Variants in FAM227B observed in about 807,000 individuals in gnomAD.
FAM227B encodes the protein protein FAM227B.
A neutral mutation model predicts 73.8 loss-of-function variants in FAM227B; 88 were observed. That is an observed-to-expected ratio of 1.19 (90% CI 1.00 to 1.42). The LOEUF is 1.42. Ranked by LOEUF, FAM227B falls within the 40% of genes most tolerant of loss-of-function variation. The pLI is 0.00. For missense variants in FAM227B, 632 were observed against 590.9 expected (o/e 1.07, Z -0.72); for synonymous variants, 210 against 190.5 (o/e 1.10, Z -0.84).
chr15:49,608,265 G>A (rs2077652653), intron 3 of FAM227B, among the ~76,000 whole-genome samples: 1 of 152,154 alleles, frequency 6.6e-6, no homozygotes, highest in Non-Finnish European at 1.5e-5. Context: ...GGTCAGTGAA[G>A]CAAGAATTGG....
Position 49,588,095 on chromosome 15 carries a change from T to C in FAM227B, c.338-12A>G, listed in dbSNP as rs1276890261. On this transcript the variant is annotated splice_polypyrimidine_tract_variant and intron_variant, in intron 4 of 15. Transcript: ENST00000299338. ...TTTTCTATAAGAACCTTTAAGAAAA[T>C]AAGAATTCACAGTATATATATTATA... is the stretch of plus-strand genomic sequence containing the variant. 2.9e-6 allele frequency: 4 copies of C among 1,390,826 alleles called. No homozygotes were observed. The highest frequency in any genetic ancestry group is 3.8e-6 in the Non-Finnish European group (4 of 1,039,104). The allele number at this position is 1,390,826 out of a possible 1,614,324, so 86.2% of individuals were successfully genotyped here.
At chr15:49,385,537 G>A (rs546113873) in intron 11 of FAM227B, among the ~76,000 whole-genome samples, 6 of 149,920 alleles carry the variant, frequency 4.0e-5, no homozygotes, top group Non-Finnish European at 8.9e-5. Context: ...AGCCCAATAC[G>A]CACCAAAATA....
chr15:49,584,262 AT>A (rs2076004326), intron 5 of FAM227B, among the ~76,000 whole-genome samples: 1 of 152,336 alleles, frequency 6.6e-6, no homozygotes, highest in East Asian at 1.9e-4. Context: ...AAATAAAAAA[AT>A]GACATGATTA....
chr15:49,413,313 ATT>A (rs1425449870), intron 11 of FAM227B, among the ~76,000 whole-genome samples: 4 of 151,830 alleles, frequency 2.6e-5, no homozygotes, highest in African/African-American at 9.7e-5. Flanking sequence ...CTTCTCTCTC[ATT>A]CTCTCTCTTT....
At chr15:49,377,789 T>G (rs9920772) in intron 11 of FAM227B, among the ~76,000 whole-genome samples, 42,720 of 152,042 alleles carry the variant, frequency 0.28, 6,483 homozygotes, top group East Asian at 0.44. Context: ...TTTGCAAATA[T>G]TTTCTGCCAT....
intron 11 of FAM227B, among the ~76,000 whole-genome samples, chr15:49,467,055 C>G (rs1597382479): frequency 6.6e-6 from 1 of 152,000 alleles, no homozygotes; most frequent in Non-Finnish European, 1.5e-5. Context: ...GCCTGGGTAG[C>G]AGAACATTTA....
intron 11 of FAM227B, among the ~76,000 whole-genome samples, chr15:49,501,631 C>T (rs1331096210): frequency 6.6e-6 from 1 of 152,204 alleles, no homozygotes; most frequent in Non-Finnish European, 1.5e-5. Flanking sequence ...AATTGGCAGC[C>T]TAGCCATGTG....
chr15:49,446,721 T>C (rs1374632498), intron 11 of FAM227B, among the ~76,000 whole-genome samples: 1 of 151,574 alleles, frequency 6.6e-6, no homozygotes, highest in Non-Finnish European at 1.5e-5. Flanking sequence ...AACACAGACC[T>C]AGTGAACAGA....
At chr15:49,377,650 C>T (rs111441602) in intron 11 of FAM227B, among the ~76,000 whole-genome samples, 164 of 152,118 alleles carry the variant, frequency 1.1e-3, no homozygotes, top group African/African-American at 3.6e-3. Context: ...GCCATTTGTA[C>T]GTCTTCTTTT....
At chr15:49,503,032 A>T (rs2058272118) in intron 11 of FAM227B, among the ~76,000 whole-genome samples, 1 of 152,204 alleles carries the variant, frequency 6.6e-6, no homozygotes, top group Non-Finnish European at 1.5e-5. Flanking sequence ...CTATACTACA[A>T]GGCTACAGTA....
chr15:49,534,609 A>T (rs867283248), intron 10 of FAM227B, among the ~76,000 whole-genome samples: 57 of 152,032 alleles, frequency 3.7e-4, no homozygotes, highest in African/African-American at 1.3e-3. Context: ...CTGTGATAAC[A>T]GACATATACA....
At chr15:49,536,314 C>A (rs1198017574) in intron 10 of FAM227B, among the ~76,000 whole-genome samples, 1 of 151,542 alleles carries the variant, frequency 6.6e-6, no homozygotes. Flanking sequence ...TTTAAAAATT[C>A]CATTTAATAA....
intron 4 of FAM227B, among the ~76,000 whole-genome samples, chr15:49,589,051 AG>A (rs2076367363): frequency 6.6e-6 from 1 of 152,148 alleles, no homozygotes; most frequent in African/African-American, 2.4e-5. Flanking sequence ...AATAATTATA[AG>A]TATTTAAAAC....
chr15:49,554,527 T>C (rs1292967903), intron 9 of FAM227B, among the ~76,000 whole-genome samples: 1 of 152,166 alleles, frequency 6.6e-6, no homozygotes, highest in African/African-American at 2.4e-5. Flanking sequence ...GCTCCCTCTG[T>C]GGGCCGGTAT....
At chr15:49,351,094 T>A (rs1424949350) in intron 13 of FAM227B, among the ~76,000 whole-genome samples, 1 of 152,210 alleles carries the variant, frequency 6.6e-6, no homozygotes, top group African/African-American at 2.4e-5. Context: ...TTCTTTCCTA[T>A]ATAAACTATC....
chr15:49,370,937 T>C (rs1288235215), intron 12 of FAM227B, among the ~76,000 whole-genome samples: 1 of 152,214 alleles, frequency 6.6e-6, no homozygotes, highest in African/African-American at 2.4e-5. Flanking sequence ...AGGTCAACTA[T>C]TGTTGATACT....
intron 11 of FAM227B, among the ~76,000 whole-genome samples, chr15:49,381,877 G>C (rs1403722926): frequency 6.6e-6 from 1 of 152,102 alleles, no homozygotes. Flanking sequence ...AATGTCAGCA[G>C]TTGACCAGTT....
chr15:49,562,003 C>A (rs938983862), intron 9 of FAM227B, among the ~76,000 whole-genome samples: 1 of 151,924 alleles, frequency 6.6e-6, no homozygotes, highest in Non-Finnish European at 1.5e-5. Flanking sequence ...AAAATCAGAG[C>A]AGTTCTTAAT....
intron 9 of FAM227B, among the ~76,000 whole-genome samples, chr15:49,548,816 T>C (rs1278294338): frequency 1.3e-5 from 2 of 152,344 alleles, no homozygotes; most frequent in South Asian, 4.1e-4. Flanking sequence ...CAGTTGCTCA[T>C]GGTAGCAACT....
Sources: allele counts gnomAD v4.1 joint callset (sites outside exome capture counted in the v4.1 genomes callset), GRCh38; gene constraint gnomAD v4.1.1; transcripts MANE v1.5; gene names NCBI Gene and HGNC (gene_info 2026-07-23, HGNC 2026-07-21).